The following FNDC3B variants were observed in gnomAD, a reference collection of about 807,000 sequenced individuals.
FNDC3B encodes the protein fibronectin type III domain containing 3B, also known as fibronectin type III domain-containing protein 3B.
A neutral mutation model predicts 151.5 loss-of-function variants in FNDC3B; 12 were observed. The observed-to-expected ratio is 0.08, with a 90% CI of 0.05 to 0.13. FNDC3B has a LOEUF of 0.13. Among genes scored for constraint, FNDC3B ranks in the 10% least tolerant of loss-of-function variants. FNDC3B has a pLI of 1.00. For missense variants in FNDC3B, 1,214 were observed against 1,505.3 expected (o/e 0.81, Z 3.20); for synonymous variants, 528 against 549.0 (o/e 0.96, Z 0.54).
chr3:172,211,722 A>AG (rs1195808384), intron 3 of FNDC3B, among the ~76,000 whole-genome samples: 1 of 152,224 alleles, frequency 6.6e-6, no homozygotes, highest in African/African-American at 2.4e-5. Flanking sequence ...CCTTTGAAAA[A>AG]GGGGAAACCC....
chr3:172,216,932 A>T (rs940480527), intron 3 of FNDC3B, among the ~76,000 whole-genome samples: 8 of 152,158 alleles, frequency 5.3e-5, no homozygotes, highest in African/African-American at 1.9e-4. Flanking sequence ...GCTAGATCAG[A>T]CTTTCACCAA....
intron 4 of FNDC3B, among the ~76,000 whole-genome samples, chr3:172,229,694 A>G (rs1726790362): frequency 6.6e-6 from 1 of 152,250 alleles, no homozygotes; most frequent in South Asian, 2.1e-4. Flanking sequence ...CAAAGTAGGT[A>G]CTTGCTAAAT....
At chr3:172,257,368 G>A (rs1352797854) in intron 6 of FNDC3B, among the ~76,000 whole-genome samples, 1 of 151,970 alleles carries the variant, frequency 6.6e-6, no homozygotes, top group East Asian at 1.9e-4. Flanking sequence ...TTAAATAATC[G>A]GCGTTCTGGA....
chr3:172,205,759 G>C (rs1455909666), intron 3 of FNDC3B, among the ~76,000 whole-genome samples: 1 of 152,234 alleles, frequency 6.6e-6, no homozygotes, highest in Non-Finnish European at 1.5e-5. Flanking sequence ...AGATCAGAAA[G>C]ATAATGCATT....
intron 15 of FNDC3B, among the ~76,000 whole-genome samples, chr3:172,336,531 C>T (rs1184689543): frequency 6.6e-6 from 1 of 152,186 alleles, no homozygotes; most frequent in Non-Finnish European, 1.5e-5. Context: ...CTAGAATGGA[C>T]GTATTCCATT....
At chr3:172,266,774 C>T (rs1211478244) in intron 6 of FNDC3B, among the ~76,000 whole-genome samples, 1 of 152,224 alleles carries the variant, frequency 6.6e-6, no homozygotes, top group Non-Finnish European at 1.5e-5. Flanking sequence ...TATAAGAATA[C>T]ATGTGATCTC....
At chr3:172,090,733 C>T (rs1030490123) in intron 1 of FNDC3B, among the ~76,000 whole-genome samples, 2 of 152,064 alleles carry the variant, frequency 1.3e-5, no homozygotes, top group Non-Finnish European at 2.9e-5. Context: ...CCAAAATGCT[C>T]CAAAATCTGA....
At chr3:172,134,231 T>G in intron 3 of FNDC3B, 1 of 440,194 alleles carries the variant, frequency 2.3e-6, no homozygotes, top group Admixed American at 2.4e-5. Context: ...CCTAGCACAC[T>G]TCTAGTGTGT....
At chr3:172,285,154 AC>A (rs560362767) in intron 6 of FNDC3B, among the ~76,000 whole-genome samples, 20 of 152,248 alleles carry the variant, frequency 1.3e-4, no homozygotes, top group Admixed American at 6.5e-4. Flanking sequence ...CAAGCCGAAA[AC>A]TAGGAATTAG....
intron 2 of FNDC3B, among the ~76,000 whole-genome samples, chr3:172,128,891 T>G (rs1218976379): frequency 6.6e-6 from 1 of 151,704 alleles, no homozygotes; most frequent in Non-Finnish European, 1.5e-5. Context: ...ATATCTTGAT[T>G]GTCTGAGGGT....
chr3:172,074,004 C>T (rs1327643274), intron 1 of FNDC3B, among the ~76,000 whole-genome samples: 1 of 152,168 alleles, frequency 6.6e-6, no homozygotes, highest in Admixed American at 6.5e-5. Context: ...TGTTGAGTTG[C>T]ATCTTCAAGA....
In FNDC3B at chr3:172,111,508, C is replaced by T. The variant is rs564567391; in HGVS notation, c.-28-944C>T. On this transcript the variant is annotated intron_variant, in intron 1 of 25. Transcript: ENST00000415807. ...TGGTGCTTAAAATAATTAGTTTCTC[C>T]AAATGGGTGTATAATAAACAGGTAA... Among the ~76,000 whole-genome samples, 4 of 152,146 alleles carry T rather than the reference C, an allele frequency of 2.6e-5. No homozygotes were observed. In the South Asian group the frequency reaches 8.3e-4, roughly 32 times the overall value.
intron 4 of FNDC3B, among the ~76,000 whole-genome samples, chr3:172,229,084 A>AACACAC (rs760446690): frequency 0.028 from 3,342 of 117,764 alleles, 81 homozygotes; most frequent in African/African-American, 0.056. Context: ...GAAAGAAAGA[A>AACACAC]ACACACACAC....
At position 172,197,486 on chromosome 3, in the gene FNDC3B, A is replaced by G. The variant is rs552124152; in HGVS notation, c.188-29385A>G. Among the ~76,000 whole-genome samples, 6 of 152,304 alleles carry G rather than the reference A, an allele frequency of 3.9e-5. No individual in the cohort carries two copies. The South Asian group carries it at 1.2e-3, about 32-fold the overall frequency. On this transcript the variant is annotated intron_variant, in intron 3 of 25. Transcript: ENST00000415807. Reference sequence around the variant, plus strand: ...CATCAACATTAGGACACTTACTTTGATGTCTATATTTCTACTGTTGAATCC... The same window carrying G: ...CATCAACATTAGGACACTTACTTTGGTGTCTATATTTCTACTGTTGAATCC...
chr3:172,296,382 C>T (rs1300655191), intron 8 of FNDC3B, among the ~76,000 whole-genome samples: 4 of 152,212 alleles, frequency 2.6e-5, no homozygotes, highest in African/African-American at 9.7e-5. Context: ...CACAGACAGT[C>T]TTCCTGACAA....
At chr3:172,220,497 T>C (rs1159618038) in intron 3 of FNDC3B, among the ~76,000 whole-genome samples, 1 of 152,226 alleles carries the variant, frequency 6.6e-6, no homozygotes, top group Non-Finnish European at 1.5e-5. Flanking sequence ...TTATGTCTTT[T>C]GATGCACAAA....
intron 3 of FNDC3B, among the ~76,000 whole-genome samples, chr3:172,175,558 C>A (rs1225005658): frequency 6.6e-6 from 1 of 152,102 alleles, no homozygotes; most frequent in East Asian, 1.9e-4. Context: ...TCAAATAGTT[C>A]TTCATTTAGC....
intron 1 of FNDC3B, among the ~76,000 whole-genome samples, chr3:172,048,567 T>C (rs1481755399): frequency 6.6e-6 from 1 of 152,210 alleles, no homozygotes; most frequent in Non-Finnish European, 1.5e-5. Context: ...TATTTACACA[T>C]AGAATTACTA....
At chr3:172,383,284 A>G (rs1317417604) in intron 25 of FNDC3B, among the ~76,000 whole-genome samples, 1 of 152,192 alleles carries the variant, frequency 6.6e-6, no homozygotes, top group East Asian at 1.9e-4. Context: ...ATTGGTGTAT[A>G]GGAATGCTTG....
Sources: gnomAD v4.1 joint callset for allele counts (sites outside exome capture counted in the v4.1 genomes callset) on GRCh38, gnomAD v4.1.1 for gene constraint, MANE v1.5 for transcripts, NCBI Gene and HGNC (gene_info 2026-07-23, HGNC 2026-07-21) for gene names.